FRMD5: variants seen among roughly 807,000 people sequenced by gnomAD.
FRMD5 encodes the protein FERM domain containing 5, also known as FERM domain-containing protein 5.
In FRMD5, 20 loss-of-function variants were observed where a neutral mutation model predicts 69.0. The ratio of observed to expected loss-of-function variants is 0.29; its 90% CI spans 0.20 to 0.42. The LOEUF is 0.42. Ranked by LOEUF, FRMD5 falls within the 10% of genes least tolerant of loss-of-function variation. The pLI, the probability that FRMD5 is intolerant of heterozygous loss-of-function variation, is 1.00. For synonymous variants in FRMD5, 271 were observed against 260.1 expected (o/e 1.04, Z -0.40); for missense variants, 595 against 708.6 (o/e 0.84, Z 1.82).
chr15:43,962,266 C>G (rs2090215001), intron 1 of FRMD5, among the ~76,000 whole-genome samples: 1 of 152,136 alleles, frequency 6.6e-6, no homozygotes, highest in Admixed American at 6.6e-5. Context: ...CAATAACAGA[C>G]AAACAGAGAG....
intron 1 of FRMD5, among the ~76,000 whole-genome samples, chr15:44,091,904 T>C (rs1335282702): frequency 1.3e-5 from 2 of 152,048 alleles, no homozygotes; most frequent in African/African-American, 2.4e-5. Context: ...AAATACATAG[T>C]GCCTATGTAT....
intron 1 of FRMD5, among the ~76,000 whole-genome samples, chr15:44,148,311 C>A (rs535801871): frequency 1.9e-3 from 284 of 151,876 alleles, no homozygotes; most frequent in Non-Finnish European, 3.2e-3. Context: ...TCGCTCTGTC[C>A]CCCAGGTTGG....
intron 1 of FRMD5, among the ~76,000 whole-genome samples, chr15:44,133,924 A>G (rs2140427262): frequency 6.6e-6 from 1 of 152,266 alleles, no homozygotes; most frequent in South Asian, 2.1e-4. Context: ...ATTGTAAATA[A>G]TAATAATAAT....
intron 13 of FRMD5, chr15:43,875,905 G>T (rs760877318): frequency 6.9e-5 from 60 of 868,838 alleles, no homozygotes; most frequent in Non-Finnish European, 1.1e-4. Flanking sequence ...TTAACTGCTG[G>T]GTCTGTAAAC....
chr15:44,048,776 T>C (rs2140338835), intron 1 of FRMD5, among the ~76,000 whole-genome samples: 1 of 152,302 alleles, frequency 6.6e-6, no homozygotes, highest in East Asian at 1.9e-4. Flanking sequence ...TTTCGTCATG[T>C]TGGCCAGGCT....
chr15:43,930,836 C>G (rs1190012593), intron 1 of FRMD5, among the ~76,000 whole-genome samples: 1 of 152,192 alleles, frequency 6.6e-6, no homozygotes, highest in Non-Finnish European at 1.5e-5. Flanking sequence ...CACATTCAGT[C>G]TGGAACATGG....
At chr15:44,045,641 A>C (rs766045304) in intron 1 of FRMD5, among the ~76,000 whole-genome samples, 1 of 152,234 alleles carries the variant, frequency 6.6e-6, no homozygotes, top group Admixed American at 6.5e-5. Flanking sequence ...CTATTCTTCA[A>C]TAGACAGTAC....
chr15:43,960,765 G>A (rs1447346714), intron 1 of FRMD5, among the ~76,000 whole-genome samples: 25 of 152,138 alleles, frequency 1.6e-4, no homozygotes, highest in Admixed American at 1.6e-3. Context: ...ATCAGTAAAA[G>A]ATAAATAAGA....
chr15:44,029,160 C>A (rs1891567554), intron 1 of FRMD5, among the ~76,000 whole-genome samples: 1 of 152,136 alleles, frequency 6.6e-6, no homozygotes, highest in Non-Finnish European at 1.5e-5. Context: ...ATTGAAAAAA[C>A]AATGCCAGTT....
At chr15:43,973,085 C>T (rs553624790) in intron 1 of FRMD5, among the ~76,000 whole-genome samples, 7 of 152,112 alleles carry the variant, frequency 4.6e-5, no homozygotes, top group African/African-American at 9.6e-5. Context: ...TGCAGTGGCG[C>T]GATCTCGGCT....
intron 13 of FRMD5, among the ~76,000 whole-genome samples, chr15:43,879,110 G>C (rs992427201): frequency 6.6e-5 from 10 of 151,784 alleles, no homozygotes; most frequent in Admixed American, 5.3e-4. Flanking sequence ...GCTAATTTTT[G>C]TATTTTTAGT....
At chr15:44,145,524 A>C (rs1231630465) in intron 1 of FRMD5, among the ~76,000 whole-genome samples, 1 of 152,208 alleles carries the variant, frequency 6.6e-6, no homozygotes, top group Non-Finnish European at 1.5e-5. Context: ...GACAGGAAAA[A>C]TTAAATGCAA....
chr15:44,129,811 G>C (rs1293392550), intron 1 of FRMD5, among the ~76,000 whole-genome samples: 2 of 152,142 alleles, frequency 1.3e-5, no homozygotes, highest in Non-Finnish European at 2.9e-5. Flanking sequence ...CAACAGAAAA[G>C]TCATTCTAGA....
At chr15:43,875,348 CAAAAAAAA>C (rs1202161221) in intron 13 of FRMD5, among the ~76,000 whole-genome samples, 7 of 46,814 alleles carry the variant, frequency 1.5e-4, no homozygotes, top group African/African-American at 7.0e-4. Flanking sequence ...AAGACTGTCT[CAAAAAAAA>C]AAAAAAAATA....
At chr15:43,966,048 G>T (rs2090289785) in intron 1 of FRMD5, among the ~76,000 whole-genome samples, 1 of 152,086 alleles carries the variant, frequency 6.6e-6, no homozygotes, top group Non-Finnish European at 1.5e-5. Context: ...GAGGCAGGAA[G>T]ATATAAAAGT....
intron 1 of FRMD5, among the ~76,000 whole-genome samples, chr15:44,125,607 C>T (rs2077014939): frequency 6.6e-6 from 1 of 152,100 alleles, no homozygotes; most frequent in Non-Finnish European, 1.5e-5. Flanking sequence ...AGACATGAGA[C>T]GGGTGGCCTG....
intron 1 of FRMD5, among the ~76,000 whole-genome samples, chr15:44,021,221 T>G (rs1449951170): frequency 6.6e-6 from 1 of 152,152 alleles, no homozygotes; most frequent in East Asian, 1.9e-4. Context: ...GGGAGGCAGA[T>G]GTTGCAGTGA....
At chr15:44,084,591 C>CT (rs1894118606) in intron 1 of FRMD5, among the ~76,000 whole-genome samples, 1 of 151,990 alleles carries the variant, frequency 6.6e-6, no homozygotes, top group Non-Finnish European at 1.5e-5. Flanking sequence ...AGACTTAAAC[C>CT]TTTTTTGTAT....
intron 1 of FRMD5, among the ~76,000 whole-genome samples, chr15:44,153,149 T>C (rs2077473214): frequency 6.6e-6 from 1 of 152,180 alleles, no homozygotes; most frequent in Admixed American, 6.5e-5. Flanking sequence ...GAAAATAGTA[T>C]GGCACTTCCT....
Sources: gnomAD v4.1 joint callset for allele counts (sites outside exome capture counted in the v4.1 genomes callset) on GRCh38, gnomAD v4.1.1 for gene constraint, MANE v1.5 for transcripts, NCBI Gene and HGNC (gene_info 2026-07-23, HGNC 2026-07-21) for gene names.